The following PPP1R13B variants were observed in gnomAD, a reference collection of about 807,000 sequenced individuals.
The protein encoded by PPP1R13B is apoptosis-stimulating of p53 protein 1.
A neutral mutation model predicts 119.8 loss-of-function variants in PPP1R13B; 44 were observed. The ratio of observed to expected loss-of-function variants is 0.37; its 90% CI spans 0.29 to 0.47. PPP1R13B has a LOEUF of 0.47. PPP1R13B is among the 20% of genes least tolerant of loss of function. The pLI, the probability that PPP1R13B is intolerant of heterozygous loss-of-function variation, is 0.99. For synonymous variants in PPP1R13B, 542 were observed against 561.5 expected (o/e 0.97, Z 0.49); for missense variants, 1,227 against 1,413.5 (o/e 0.87, Z 2.12).
At chr14:103,743,391 G>GC (rs2084307595) in intron 9 of PPP1R13B, among the ~76,000 whole-genome samples, 1 of 152,212 alleles carries the variant, frequency 6.6e-6, no homozygotes, top group African/African-American at 2.4e-5. Context: ...TCATTCTGTT[G>GC]CAGTGATTAG....
At chr14:103,788,281 T>A (rs540891054) in intron 2 of PPP1R13B, among the ~76,000 whole-genome samples, 4 of 152,186 alleles carry the variant, frequency 2.6e-5, no homozygotes, top group African/African-American at 9.6e-5. Context: ...TCAGACTTAC[T>A]GTTACCTTAG....
intron 1 of PPP1R13B, among the ~76,000 whole-genome samples, chr14:103,832,181 T>C (rs1318584533): frequency 6.6e-6 from 1 of 152,182 alleles, no homozygotes; most frequent in East Asian, 1.9e-4. Flanking sequence ...GTCTACATCA[T>C]TGATATTATT....
At chr14:103,815,204 T>C (rs4900598) in intron 1 of PPP1R13B, among the ~76,000 whole-genome samples, 67,735 of 152,000 alleles carry the variant, frequency 0.45, 15,599 homozygotes, top group African/African-American at 0.56. Flanking sequence ...TATATGATTC[T>C]GTTTTTATAA....
At chr14:103,797,292 C>A in intron 2 of PPP1R13B, 79 bp downstream of exon 2, 3 of 1,413,568 alleles carry the variant, frequency 2.1e-6, no homozygotes, top group South Asian at 3.2e-5. Context: ...AGAAAAAAAG[C>A]AAATCCAGCA....
intron 2 of PPP1R13B, among the ~76,000 whole-genome samples, chr14:103,790,295 T>C (rs1296780164): frequency 6.6e-6 from 1 of 151,074 alleles, no homozygotes; most frequent in Non-Finnish European, 1.5e-5. Context: ...CTTTTGTCCA[T>C]GAATGTTCAC....
At chr14:103,735,238 A>G (rs539061855) in intron 16 of PPP1R13B, 43 bp from the exon 17 acceptor site, 1 of 1,608,672 alleles carries the variant, frequency 6.2e-7, no homozygotes, top group Non-Finnish European at 8.5e-7. Context: ...AGCCACACAC[A>G]GGGAGCAGGG....
intron 3 of PPP1R13B, among the ~76,000 whole-genome samples, chr14:103,782,796 T>C (rs2085366410): frequency 1.3e-5 from 2 of 152,176 alleles, no homozygotes; most frequent in Non-Finnish European, 2.9e-5. Context: ...ATTTTTTCTA[T>C]TATTCTACTA....
chr14:103,737,438 T>G, intron 15 of PPP1R13B: 1 of 360,704 alleles, frequency 2.8e-6, no homozygotes. Flanking sequence ...TAGCTGGCTG[T>G]GGTGGGACAA....
rs891656496 is a variant in PPP1R13B at position 103,847,518 on chromosome 14, G to GGCCGCC, written c.-217_-212dup. On this transcript the variant is annotated 5_prime_UTR_variant, in exon 1 of 17. Coordinates refer to ENST00000202556, the MANE Select transcript of PPP1R13B (RefSeq NM_015316.3). ...CGCTGCGTCGCTGTCCCGGGCACCC[G>GGCCGCC]GCCGCCGCCGCCGCCGCCTCAACCT... is the stretch of plus-strand genomic sequence containing the variant. The GGCCGCC allele has an allele frequency of 3.3e-5, 32 of 984,472 alleles. No homozygotes were observed. The highest frequency in any genetic ancestry group is 8.8e-5 in the African/African-American group (5 of 56,586). 61.0% of individuals were successfully genotyped at this position (984,472 alleles called of 1,614,324 possible).
intron 2 of PPP1R13B, among the ~76,000 whole-genome samples, chr14:103,786,422 C>A (rs2085463181): frequency 6.6e-6 from 1 of 152,068 alleles, no homozygotes; most frequent in East Asian, 1.9e-4. Context: ...TAATGCATTC[C>A]ATTTTCCTTC....
rs2084264493 is a variant in PPP1R13B, at chr14:103,741,848, T to C, written c.1764A>G (p.Thr588=). The stretch of plus-strand genomic sequence containing the variant: ...CTGCCGGCTGGTAATTCTTAGGTGG[T>C]GTGGCTTGCTGGAGGTACATGGAGT... ...SIYSMYLQQA[T]PPKNYQPAAH... The change falls in exon 11 of 17, where the codon ACA becomes ACG. Residue 588 remains threonine (T), a synonymous_variant. Transcript: ENST00000202556. 1.9e-6 allele frequency: 3 copies of C among 1,614,090 alleles called. No individual in the cohort carries two copies. Among genetic ancestry groups the C allele is most frequent in the African/African-American group, 1.3e-5 (1 of 74,928 alleles).
At chr14:103,771,376 G>A (rs185679238) in intron 4 of PPP1R13B, among the ~76,000 whole-genome samples, 128 of 151,798 alleles carry the variant, frequency 8.4e-4, no homozygotes, top group African/African-American at 3.0e-3. Flanking sequence ...CAGAAGTCAC[G>A]TTCAGATTGA....
At chr14:103,789,966 C>T (rs1327463364) in intron 2 of PPP1R13B, among the ~76,000 whole-genome samples, 2 of 152,102 alleles carry the variant, frequency 1.3e-5, no homozygotes, top group African/African-American at 4.8e-5. Context: ...GAAATGAAGG[C>T]CGGGCCCGGT....
At chr14:103,746,744 A>G (rs2084395566) in intron 8 of PPP1R13B, 191 bp from the exon 9 acceptor site, 1 of 491,600 alleles carries the variant, frequency 2.0e-6, no homozygotes, top group East Asian at 3.4e-5. Flanking sequence ...CCTATGAGCA[A>G]TTCTCCGACA....
At chr14:103,748,654 G>C (rs2084460229) in intron 8 of PPP1R13B, among the ~76,000 whole-genome samples, 1 of 152,240 alleles carries the variant, frequency 6.6e-6, no homozygotes, top group African/African-American at 2.4e-5. Flanking sequence ...ACAGGTGCGA[G>C]AAAGTCAAGT....
At chr14:103,757,843 A>G in intron 4 of PPP1R13B, 92 bp from the exon 5 acceptor site, 1 of 1,039,994 alleles carries the variant, frequency 9.6e-7, no homozygotes, top group South Asian at 1.4e-5. Flanking sequence ...GACTTTAGAT[A>G]GGATCCCTAG....
chr14:103,799,219 C>T (rs140088521), intron 1 of PPP1R13B, among the ~76,000 whole-genome samples: 5 of 152,094 alleles, frequency 3.3e-5, no homozygotes, highest in South Asian at 2.1e-4. Flanking sequence ...CGCTCTGTCA[C>T]GCAGGCTGGA....
At chr14:103,757,814 CA>C in intron 4 of PPP1R13B, 63 bp from the exon 5 acceptor site, 1 of 1,372,082 alleles carries the variant, frequency 7.3e-7, no homozygotes, top group Non-Finnish European at 1.0e-6. Context: ...TCTCTAGTGT[CA>C]AAACTCACAC....
chr14:103,801,732 G>T (rs1343190793), intron 1 of PPP1R13B, among the ~76,000 whole-genome samples: 1 of 152,056 alleles, frequency 6.6e-6, no homozygotes, highest in Non-Finnish European at 1.5e-5. Flanking sequence ...CTGACGCATA[G>T]GAGGCACACT....
Sources: gnomAD v4.1 joint callset for allele counts (sites outside exome capture counted in the v4.1 genomes callset) on GRCh38, gnomAD v4.1.1 for gene constraint, MANE v1.5 for transcripts, NCBI Gene and HGNC (gene_info 2026-07-23, HGNC 2026-07-21) for gene names.